The following SLC5A8 variants were observed in gnomAD, a reference collection of about 807,000 sequenced individuals.
The protein encoded by SLC5A8 is sodium-coupled monocarboxylate transporter 1.
Under a neutral mutation model 71.9 loss-of-function variants are expected in SLC5A8, and 55 were observed. The ratio of observed to expected loss-of-function variants is 0.77; its 90% CI spans 0.62 to 0.96. The LOEUF (loss-of-function observed/expected upper bound fraction) is 0.96. Among genes scored for constraint, SLC5A8 ranks in the 40% least tolerant of loss-of-function variants. The pLI is 0.00. For missense variants in SLC5A8, 701 were observed against 745.3 expected (o/e 0.94, Z 0.69); for synonymous variants, 307 against 276.1 (o/e 1.11, Z -1.11).
intron 5 of SLC5A8, among the ~76,000 whole-genome samples, chr12:101,193,370 T>A (rs958733910): frequency 1.3e-4 from 20 of 152,146 alleles, no homozygotes; most frequent in Non-Finnish European, 2.5e-4. Flanking sequence ...AGAAAATACT[T>A]TTTTTGCTTT....
intron 5 of SLC5A8, 29 bp downstream of exon 5, chr12:101,193,596 G>A: frequency 1.3e-6 from 2 of 1,589,486 alleles, no homozygotes; most frequent in Non-Finnish European, 1.7e-6. Context: ...CAAAAGATGT[G>A]TTCAGTTACC....
chr12:101,185,048 C>T (rs1340535896), intron 7 of SLC5A8, among the ~76,000 whole-genome samples: 1 of 152,152 alleles, frequency 6.6e-6, no homozygotes, highest in African/African-American at 2.4e-5. Flanking sequence ...GAGTAGATGA[C>T]ATGTCCTATT....
intron 10 of SLC5A8, among the ~76,000 whole-genome samples, chr12:101,169,354 T>C (rs1225902082): frequency 1.3e-5 from 2 of 152,150 alleles, no homozygotes; most frequent in Admixed American, 6.5e-5. Context: ...AGCTGATATA[T>C]GGAAAAAGGG....
intron 2 of SLC5A8, 150 bp from the exon 3 acceptor site, chr12:101,202,365 T>C (rs1465191463): frequency 1.6e-5 from 11 of 698,980 alleles, no homozygotes; most frequent in African/African-American, 3.8e-5. Flanking sequence ...TGTTTGTAAC[T>C]TGCAAAATAT....
intron 5 of SLC5A8, among the ~76,000 whole-genome samples, chr12:101,192,953 T>C (rs1283701164): frequency 6.6e-6 from 1 of 150,430 alleles, no homozygotes; most frequent in Admixed American, 6.6e-5. Context: ...GTTTGTCTCT[T>C]AAGAGGCTAC....
At chr12:101,202,361 T>C in intron 2 of SLC5A8, 146 bp from the exon 3 acceptor site, 1 of 726,424 alleles carries the variant, frequency 1.4e-6, no homozygotes. Context: ...AATTTGTTTG[T>C]AACTTGCAAA....
At chr12:101,158,598 C>CTCTCTCTCTCTCTCTATATATATA (rs1411795424) in intron 13 of SLC5A8, among the ~76,000 whole-genome samples, 1 of 21,242 alleles carries the variant, frequency 4.7e-5, no homozygotes, top group Non-Finnish European at 8.8e-5. Context: ...CTCTCTCTCT[C>CTCTCTCTCTCTCTCTATATATATA]TATATATATA....
chr12:101,209,866 A>G lies in SLC5A8; in HGVS notation c.-18T>C. 6.6e-7 allele frequency: 1 copy of G among 1,503,866 alleles called. No individual in the cohort carries two copies. The highest frequency in any genetic ancestry group is 8.9e-7 in the Non-Finnish European group (1 of 1,126,938). The allele number at this position is 1,503,866 out of a possible 1,614,324, so 93.2% of individuals were successfully genotyped here. A position where few individuals can be genotyped will look rare whatever the true frequency, so the allele number is the denominator to read the frequency against. ...GTGTCCATGGCCGCACGGTCGCCTG[A>G]GCCCTGCGCGCAAACTGGTGGCCCC... On this transcript the variant is annotated 5_prime_UTR_variant, in exon 1 of 15. Transcript: ENST00000536262.
Position 101,209,590 on chromosome 12 carries a change from T to C in SLC5A8, c.259A>G (p.Ile87Val), listed in dbSNP as rs1225817238. Reference sequence around the variant, plus strand: ...ACAAAGAAGTAGGTGAAGGCAAAGATGCTAAAAATGGCCCCAAAACGGTAG... The same window carrying C: ...ACAAAGAAGTAGGTGAAGGCAAAGACGCTAAAAATGGCCCCAAAACGGTAG... ...EVYRFGAIFS[I>V]FAFTYFFVVV... Residue 87 changes from isoleucine to valine, a missense_variant, in exon 1 of 15, where the codon ATC becomes GTC. Ile to Val is a conservative substitution (Grantham distance 29). Transcript: ENST00000536262. 6 of 1,613,914 alleles carry C rather than the reference T, an allele frequency of 3.7e-6. No homozygotes were observed. In the South Asian group the frequency reaches 4.4e-5, roughly 12 times the overall value.
At chr12:101,207,726 AACAT>A (rs1237930306) in intron 1 of SLC5A8, among the ~76,000 whole-genome samples, 2 of 152,174 alleles carry the variant, frequency 1.3e-5, no homozygotes, top group Non-Finnish European at 2.9e-5. Flanking sequence ...TCCATCAGGT[AACAT>A]ACATAAGTGA....
chr12:101,163,259 G>T (rs1289189483), intron 12 of SLC5A8, among the ~76,000 whole-genome samples: 2 of 152,196 alleles, frequency 1.3e-5, no homozygotes, highest in Non-Finnish European at 2.9e-5. Flanking sequence ...TACAATGATT[G>T]CTCTAGGATT....
At chr12:101,200,304 G>A (rs189488) in intron 3 of SLC5A8, among the ~76,000 whole-genome samples, 71,505 of 151,640 alleles carry the variant, frequency 0.47, 17,191 homozygotes, top group East Asian at 0.64. Flanking sequence ...TGAGCGGGGT[G>A]GTAGTCACAC....
rs758855071 is a variant in SLC5A8 at position 101,209,867 on chromosome 12, G to T, written c.-19C>A. 16 of 1,501,652 alleles carry T rather than the reference G, an allele frequency of 1.1e-5. No homozygotes were observed. Among genetic ancestry groups the T allele is most frequent in the Non-Finnish European group, 1.3e-5 (15 of 1,125,966 alleles). 93.0% of individuals were successfully genotyped at this position (1,501,652 alleles called of 1,614,324 possible). ...TGTCCATGGCCGCACGGTCGCCTGA[G>T]CCCTGCGCGCAAACTGGTGGCCCCG... On this transcript the variant is annotated 5_prime_UTR_variant, in exon 1 of 15. Transcript: ENST00000536262.
chr12:101,207,638 C>A (rs1869728663), intron 1 of SLC5A8, among the ~76,000 whole-genome samples: 1 of 152,078 alleles, frequency 6.6e-6, no homozygotes, highest in African/African-American at 2.4e-5. Flanking sequence ...GTCCTCCTGC[C>A]AGATTCTTCA....
intron 10 of SLC5A8, among the ~76,000 whole-genome samples, chr12:101,177,679 G>C (rs979112204): frequency 6.6e-6 from 1 of 151,982 alleles, no homozygotes; most frequent in Non-Finnish European, 1.5e-5. Flanking sequence ...CCTGTAAGCA[G>C]GCTAAAGAAG....
At chr12:101,181,625 C>T (rs1868371990) in intron 9 of SLC5A8, among the ~76,000 whole-genome samples, 1 of 152,136 alleles carries the variant, frequency 6.6e-6, no homozygotes, top group African/African-American at 2.4e-5. Flanking sequence ...TGGATTTTCT[C>T]AAGGTTAACA....
In SLC5A8 at chr12:101,157,175, C is replaced by G. The variant is rs1326081293; in HGVS notation, c.*104G>C. The G allele has an allele frequency of 7.3e-7, 1 of 1,370,258 alleles. No individual in the cohort carries two copies. The highest frequency in any genetic ancestry group is 9.8e-7 in the Non-Finnish European group (1 of 1,023,628). 84.9% of individuals were successfully genotyped at this position (1,370,258 alleles called of 1,614,324 possible). ...AACAAAAACTTATCCCCCAAACACT[C>G]ATGATACAACACACACACACACACA... is the stretch of plus-strand genomic sequence containing the variant. On this transcript the variant is annotated 3_prime_UTR_variant, in exon 15 of 15. Coordinates refer to ENST00000536262, the MANE Select transcript of SLC5A8 (RefSeq NM_145913.5).
intron 2 of SLC5A8, 140 bp downstream of exon 2, chr12:101,204,360 G>T: frequency 2.9e-6 from 2 of 694,452 alleles, no homozygotes; most frequent in Non-Finnish European, 2.5e-6. Context: ...ACAGTGACAA[G>T]TGTTTTTCCT....
chr12:101,192,461 A>G (rs753449503), intron 5 of SLC5A8, among the ~76,000 whole-genome samples: 3 of 152,198 alleles, frequency 2.0e-5, no homozygotes, highest in Non-Finnish European at 4.4e-5. Flanking sequence ...GATCTCAAAG[A>G]GAAGATAGGC....
Sources: gnomAD v4.1 joint callset for allele counts (sites outside exome capture counted in the v4.1 genomes callset) on GRCh38, gnomAD v4.1.1 for gene constraint, MANE v1.5 for transcripts, NCBI Gene and HGNC (gene_info 2026-07-23, HGNC 2026-07-21) for gene names.